The following TTK variants were observed in gnomAD, a reference collection of about 807,000 sequenced individuals.
TTK encodes the protein dual specificity protein kinase TTK.
Under a neutral mutation model 117.3 loss-of-function variants are expected in TTK, and 59 were observed. The ratio of observed to expected loss-of-function variants is 0.50; its 90% confidence interval spans 0.41 to 0.62. TTK has a LOEUF of 0.62. TTK is among the 20% of genes least tolerant of loss of function. The pLI, the probability that TTK is intolerant of heterozygous loss-of-function variation, is 0.00. For missense variants in TTK, 921 were observed against 989.4 expected (o/e 0.93, Z 0.93); for synonymous variants, 302 against 325.0 (o/e 0.93, Z 0.76).
At chr6:80,040,112 T>C (rs1471836696) in intron 19 of TTK, 84 bp from the exon 20 acceptor site, 3 of 1,135,404 alleles carry the variant, frequency 2.6e-6, no homozygotes, top group Non-Finnish European at 3.6e-6. Flanking sequence ...TTTTATAATA[T>C]AATGTAATCT....
chr6:80,013,222 T>TAA, intron 8 of TTK, 57 bp from the exon 9 acceptor site: 1 of 1,424,854 alleles, frequency 7.0e-7, no homozygotes, highest in Non-Finnish European at 9.6e-7. Flanking sequence ...AAAAAATACA[T>TAA]TGAAAATTTT....
Position 80,031,505 on chromosome 6 carries a change from TA to T in TTK, c.1563del (p.Gly522GlufsTer7). 1 of 1,524,178 alleles carries T rather than the reference TA, an allele frequency of 6.6e-7. No individual in the cohort carries two copies. The highest frequency in any genetic ancestry group is 8.8e-7 in the Non-Finnish European group (1 of 1,141,908). The allele number at this position is 1,524,178 out of a possible 1,614,324, so 94.4% of individuals were successfully genotyped here. A position where few individuals can be genotyped will look rare whatever the true frequency, so the allele number is the denominator to read the frequency against. On this transcript the variant is annotated frameshift_variant, in exon 14 of 22. Transcript: ENST00000369798. LOFTEE classifies it high-confidence loss of function. ...CTTCAGCAAATGAATGCATTTCGGT[TA>T]AAGGAAGAATTTATTCCATATTAAA... ...SSSANECISVKGRIYSILKQI... is the reference protein window; with the variant it reads ...SSSANECISVXGRIYSILKQI...
chr6:80,013,162 A>AT lies in TTK; in HGVS notation c.897-110dup, dbSNP rs988011180. 4 of 803,142 alleles carry AT rather than the reference A, an allele frequency of 5.0e-6. No individual in the cohort carries two copies. The Admixed American group carries it at 8.7e-5, about 17-fold the overall frequency. 49.8% of individuals were successfully genotyped at this position (803,142 alleles called of 1,614,324 possible). ...ACTCTAAAAAATGTCTTTTTAAGAG[A>AT]TTTTTTTCAATAAAAAGTATGTATA... On this transcript the variant is annotated intron_variant, in intron 8 of 21. Transcript: ENST00000369798.
chr6:80,024,167 A>G (rs9294168), intron 11 of TTK, among the ~76,000 whole-genome samples: 44,222 of 152,172 alleles, frequency 0.29, 7,908 homozygotes, highest in East Asian at 0.63. Context: ...GTGGGAATGT[A>G]AAATGGTGCA....
At chr6:80,040,104 TTATAATA>T (rs1349443240) in intron 19 of TTK, 85 bp from the exon 20 acceptor site, 1 of 1,121,654 alleles carries the variant, frequency 8.9e-7, no homozygotes, top group Non-Finnish European at 1.2e-6. Flanking sequence ...AAAGTAACTT[TTATAATA>T]TAATGTAATC....
At chr6:80,032,370 G>A (rs988968260) in intron 14 of TTK, among the ~76,000 whole-genome samples, 2 of 152,010 alleles carry the variant, frequency 1.3e-5, no homozygotes, top group African/African-American at 4.8e-5. Context: ...ACTGCTCCGG[G>A]CTTAGTCCTC....
intron 11 of TTK, 103 bp from the exon 12 acceptor site, chr6:80,026,275 T>G: frequency 8.2e-7 from 1 of 1,217,838 alleles, no homozygotes; most frequent in Non-Finnish European, 1.1e-6. Context: ...CCTTTGTATA[T>G]CATATGTTAT....
intron 16 of TTK, 49 bp from the exon 17 acceptor site, chr6:80,036,426 T>C: frequency 6.5e-7 from 1 of 1,542,982 alleles, no homozygotes. Flanking sequence ...TTTTTGGTCC[T>C]TAGAATGTTT....
Position 80,022,362 on chromosome 6 carries a change from A to G in TTK, c.1147A>G (p.Asn383Asp), listed in dbSNP as rs1230852592. Residue 383 changes from asparagine (N) to aspartate (D), a missense_variant, in exon 11 of 22, where the codon AAC becomes GAC. Physicochemically the swap from Asn to Asp is conservative, Grantham distance 23. Coordinates refer to ENST00000369798, the MANE Select transcript of TTK (RefSeq NM_003318.5). ...EYQEPEVPESNQKQWQSKRKS... is the reference protein window; with the variant it reads ...EYQEPEVPESDQKQWQSKRKS... ...TCAAGAACCAGAGGTTCCAGAGAGTAACCAGAAACAGTGGCAATCTAAGAG... is the reference window on the plus strand; with the variant it reads ...TCAAGAACCAGAGGTTCCAGAGAGTGACCAGAAACAGTGGCAATCTAAGAG... 2 of 1,613,860 alleles carry G rather than the reference A, an allele frequency of 1.2e-6. No homozygotes were observed. Among genetic ancestry groups the G allele is most frequent in the Non-Finnish European group, 1.7e-6 (2 of 1,179,944 alleles).
At chr6:80,036,769 A>G (rs1051387649) in intron 17 of TTK, among the ~76,000 whole-genome samples, 170 bp downstream of exon 17, 1 of 152,170 alleles carries the variant, frequency 6.6e-6, no homozygotes, top group African/African-American at 2.4e-5. Context: ...TGTAATGTAG[A>G]ATAGAAAGTC....
chr6:80,026,276 C>A, intron 11 of TTK, 102 bp from the exon 12 acceptor site: 1 of 1,223,396 alleles, frequency 8.2e-7, no homozygotes, highest in Non-Finnish European at 1.1e-6. Context: ...CTTTGTATAT[C>A]ATATGTTATT....
chr6:80,006,374 A>G (rs142821884), intron 2 of TTK, among the ~76,000 whole-genome samples: 19 of 152,206 alleles, frequency 1.2e-4, no homozygotes, highest in African/African-American at 4.6e-4. Flanking sequence ...GGAATTGAAA[A>G]TAAATGGAAG....
chr6:80,007,709 TACTG>T (rs1767030522), intron 2 of TTK, 96 bp from the exon 3 acceptor site: 31 of 909,344 alleles, frequency 3.4e-5, no homozygotes, highest in Admixed American at 1.8e-4. Flanking sequence ...TGTACATTGA[TACTG>T]ACAGTACAAA....
intron 4 of TTK, among the ~76,000 whole-genome samples, chr6:80,009,292 C>G (rs1484815914): frequency 6.6e-6 from 1 of 151,988 alleles, no homozygotes; most frequent in Admixed American, 6.6e-5. Flanking sequence ...GGATTGGTCA[C>G]TGGAGAGTAT....
intron 10 of TTK, among the ~76,000 whole-genome samples, chr6:80,018,628 A>G (rs1292885328): frequency 1.0e-4 from 7 of 69,830 alleles, no homozygotes; most frequent in African/African-American, 6.9e-4. Context: ...CTCCGTCTCA[A>G]AAAAAAAAAA....
chr6:80,030,706 G>C (rs924182196), intron 13 of TTK, among the ~76,000 whole-genome samples: 4 of 152,092 alleles, frequency 2.6e-5, no homozygotes, highest in Non-Finnish European at 4.4e-5. Context: ...CTACCCCCAT[G>C]ATTCAGTCAC....
At chr6:80,035,238 TTTG>T (rs1767864432) in intron 15 of TTK, 25 bp from the exon 16 acceptor site, 1 of 1,563,384 alleles carries the variant, frequency 6.4e-7, no homozygotes, top group Non-Finnish European at 8.6e-7. Context: ...CATTTATTGT[TTTG>T]TTGCTTTTAT....
chr6:80,011,811 T>C lies in TTK; in HGVS notation c.801+10T>C, dbSNP rs2127716654. Reference sequence around the variant, plus strand: ...TAACAAAACTAAACAGGTAAGTTACTTTCAATCTGCTTGATTAAGGTGGTG... The same window carrying C: ...TAACAAAACTAAACAGGTAAGTTACCTTCAATCTGCTTGATTAAGGTGGTG... On this transcript the variant is annotated intron_variant, in intron 7 of 21. Transcript: ENST00000369798. 5 of 1,612,674 alleles carry C rather than the reference T, an allele frequency of 3.1e-6. No homozygotes were observed. The highest frequency in any genetic ancestry group is 4.2e-6 in the Non-Finnish European group (5 of 1,179,136).
chr6:80,008,134 A>T, intron 3 of TTK, 103 bp downstream of exon 3: 1 of 1,334,154 alleles, frequency 7.5e-7, no homozygotes. Context: ...AGAAAATATT[A>T]ATTTTTTTAC....
Sources: allele counts gnomAD v4.1 joint callset (sites outside exome capture counted in the v4.1 genomes callset), GRCh38; gene constraint gnomAD v4.1.1; transcripts MANE v1.5; gene names NCBI Gene and HGNC (gene_info 2026-07-23, HGNC 2026-07-21).